Variants in MYBPC1 observed in about 807,000 individuals in gnomAD.
The protein encoded by MYBPC1 is myosin binding protein C1, also known as myosin-binding protein C, slow-type.
Under a neutral mutation model 147.1 loss-of-function variants are expected in MYBPC1, and 52 were observed. The observed-to-expected ratio is 0.35, with a 90% CI of 0.28 to 0.45. The LOEUF (loss-of-function observed/expected upper bound fraction) is 0.45, where lower values mean the gene tolerates loss of function less well. Among genes scored for constraint, MYBPC1 ranks in the 20% least tolerant of loss-of-function variants. The probability of loss-of-function intolerance (pLI) is 1.00; values close to 1 mark genes in which losing one functional copy is unlikely to be tolerated. For missense variants in MYBPC1, 1,228 were observed against 1,440.3 expected, an observed-to-expected ratio of 0.85 and a Z score of 2.39; for synonymous variants, 477 against 475.9, an observed-to-expected ratio of 1.00 and a Z score of -0.03.
intron 1 of MYBPC1, among the ~76,000 whole-genome samples, chr12:101,605,210 TTGCCCTTTTG>T (rs1016244241): frequency 6.6e-6 from 1 of 152,232 alleles, no homozygotes; most frequent in Non-Finnish European, 1.5e-5. Context: ...CTAGACACTA[TTGCCCTTTTG>T]TCTCTATTAT....
intron 1 of MYBPC1, among the ~76,000 whole-genome samples, chr12:101,608,761 G>A (rs1040665885): frequency 1.3e-5 from 2 of 152,186 alleles, no homozygotes; most frequent in South Asian, 2.1e-4. Context: ...ATATTCCTGA[G>A]AGTCAAAACT....
At chr12:101,626,088 C>CAAAAAAAAAAAAAAAA (rs769008600) in intron 3 of MYBPC1, among the ~76,000 whole-genome samples, 1 of 55,074 alleles carries the variant, frequency 1.8e-5, no homozygotes, top group Non-Finnish European at 3.5e-5. Flanking sequence ...AACTCTGTCT[C>CAAAAAAAAAAAAAAAA]AAAAAAAAAA....
intron 1 of MYBPC1, 113 bp downstream of exon 1, chr12:101,595,208 A>G (rs1267635314): frequency 3.0e-6 from 3 of 994,356 alleles, no homozygotes; most frequent in African/African-American, 3.2e-5. Flanking sequence ...TAAAATCACT[A>G]TGATTTAAGG....
intron 3 of MYBPC1, among the ~76,000 whole-genome samples, chr12:101,620,173 G>C (rs1477865931): frequency 2.0e-5 from 3 of 152,192 alleles, no homozygotes; most frequent in African/African-American, 7.2e-5. Context: ...ATAAAGAAAT[G>C]TGTTTAGCCC....
intron 11 of MYBPC1, among the ~76,000 whole-genome samples, chr12:101,644,123 G>A (rs1441942579): frequency 6.6e-6 from 1 of 152,096 alleles, no homozygotes; most frequent in African/African-American, 2.4e-5. Context: ...TGCAACCTCT[G>A]CCTCCCAGGT....
chr12:101,611,123 G>A (rs1053147138), intron 1 of MYBPC1, among the ~76,000 whole-genome samples: 1 of 152,136 alleles, frequency 6.6e-6, no homozygotes, highest in African/African-American at 2.4e-5. Flanking sequence ...AAAAGTTCTG[G>A]ATCTGCCTAT....
the MYBPC1 span, among the ~76,000 whole-genome samples, chr12:101,694,885 T>C: frequency 6.6e-6 from 1 of 152,218 alleles, no homozygotes; most frequent in South Asian, 2.1e-4. Context: ...AAAATACCAG[T>C]TTATTTACCC....
chr12:101,614,349 G>T (rs1885289239), intron 1 of MYBPC1, 147 bp from the exon 2 acceptor site: 3 of 778,606 alleles, frequency 3.9e-6, no homozygotes, highest in Non-Finnish European at 2.2e-6. Flanking sequence ...AGAGAGAGAA[G>T]AGAGAATGTG....
At chr12:101,693,737 C>CTAAATAAATAAATAAATAAA in the MYBPC1 span, among the ~76,000 whole-genome samples, 4 of 101,820 alleles carry the variant, frequency 3.9e-5, no homozygotes, top group African/African-American at 1.2e-4. Context: ...GAATCTGTCT[C>CTAAATAAATAAATAAATAAA]TAAATAAATA....
At chr12:101,611,753 T>G (rs1458121776) in intron 1 of MYBPC1, among the ~76,000 whole-genome samples, 2 of 152,210 alleles carry the variant, frequency 1.3e-5, no homozygotes, top group East Asian at 3.9e-4. Flanking sequence ...TAGTCCAGAA[T>G]GCAAAAGAAT....
rs1021145339 is a variant in MYBPC1 at position 101,631,678 on chromosome 12, A to C, written c.397A>C (p.Lys133Gln). Reference sequence around the variant, plus strand: ...GATGGACCTGGCCAGCAAAGCCGGGAAGCACCTTCAGCTGAAGGAAACCTT... The same window carrying C: ...GATGGACCTGGCCAGCAAAGCCGGGCAGCACCTTCAGCTGAAGGAAACCTT... Reference protein sequence around the residue: ...KWMDLASKAGKHLQLKETFER... With the variant: ...KWMDLASKAGQHLQLKETFER... The change falls in exon 7 of 32, where the codon AAG becomes CAG. Residue 133 changes from lysine (K) to glutamine (Q), a missense_variant. Physicochemically the swap from Lys to Gln is moderately conservative, Grantham distance 53 (BLOSUM62 1). Coordinates refer to ENST00000361466, the MANE Select transcript of MYBPC1 (RefSeq NM_002465.4). 3.1e-6 allele frequency: 5 copies of C among 1,614,102 alleles called. No individual in the cohort carries two copies. Among genetic ancestry groups the C allele is most frequent in the Non-Finnish European group, 4.2e-6 (5 of 1,180,054 alleles).
intron 29 of MYBPC1, 108 bp from the exon 30 acceptor site, chr12:101,682,496 G>A (rs953938742): frequency 9.9e-7 from 1 of 1,009,008 alleles, no homozygotes; most frequent in Admixed American, 2.0e-5. Context: ...TTTATCATCA[G>A]ACTGTTACTC....
At chr12:101,629,313 T>C (rs1021400988) in intron 5 of MYBPC1, 121 bp from the exon 6 acceptor site, 5 of 731,316 alleles carry the variant, frequency 6.8e-6, no homozygotes, top group Admixed American at 4.0e-5. Context: ...TGATGTTGTA[T>C]TTATCTAGGT....
intron 20 of MYBPC1, among the ~76,000 whole-genome samples, chr12:101,661,855 C>G (rs1426068223): frequency 1.4e-5 from 2 of 147,398 alleles, no homozygotes; most frequent in Non-Finnish European, 3.0e-5. Context: ...CAAGATCACA[C>G]CACTGCACTC....
chr12:101,679,466 G>A lies in MYBPC1; in HGVS notation c.3247-877G>A, dbSNP rs79051950. 3.0e-3 allele frequency among the ~76,000 whole-genome samples: 452 copies of A among 152,318 alleles called. 1 individual carries two copies. Among genetic ancestry groups the A allele is most frequent in the African/African-American group, 8.5e-3 (352 of 41,556 alleles). ...GGAGACAGAAAAGGTGCCATCTCTAGGTTCTGAGCAAGACAAAATAATAGA... is the reference window on the plus strand; with the variant it reads ...GGAGACAGAAAAGGTGCCATCTCTAAGTTCTGAGCAAGACAAAATAATAGA... On this transcript the variant is annotated intron_variant, in intron 28 of 31. Coordinates refer to ENST00000361466, the MANE Select transcript of MYBPC1 (RefSeq NM_002465.4).
rs763369349 is a variant in MYBPC1, at chr12:101,631,658, A to C, written c.377A>C (p.Asp126Ala). The change falls in exon 7 of 32, where the codon GAC becomes GCC. Residue 126 changes from aspartate to alanine, a missense_variant. Around this residue, in one of 2 missense-constraint regions of MYBPC1, gnomAD observed 1,077 missense variants for 1,314.2 expected, o/e 0.82. Transcript: ENST00000361466. ...TIKWFKGKWM[D>A]LASKAGKHLQ... ...AAATGGTTCAAAGGAAAATGGATGG[A>C]CCTGGCCAGCAAAGCCGGGAAGCAC... The C allele has an allele frequency of 1.9e-6, 3 of 1,614,224 alleles. No homozygotes were observed. The highest frequency in any genetic ancestry group is 1.7e-6 in the Non-Finnish European group (2 of 1,180,036).
rs539734506 is a variant in MYBPC1, at chr12:101,647,343, A to G, written c.1090+456A>G. Among the ~76,000 whole-genome samples, 17 of 152,322 alleles carry G rather than the reference A, an allele frequency of 1.1e-4. No homozygotes were observed. In the South Asian group the frequency reaches 3.5e-3, roughly 32 times the overall value. On this transcript the variant is annotated intron_variant, in intron 13 of 31. Transcript: ENST00000361466. ...TTTATGAGGGCTTCTGATGACAGAC[A>G]ACCCTGAGATCTCTGTCATCCATCT...
chr12:101,675,215 T>TA lies in MYBPC1; in HGVS notation c.2810-73dup, dbSNP rs373242680. 9.1e-5 allele frequency: 144 copies of TA among 1,579,174 alleles called. No homozygotes were observed. In the African/African-American group the frequency reaches 1.8e-3, roughly 20 times the overall value. Reference sequence around the variant, plus strand: ...TCCTGTAACAGAGGAAAGGGTCTTTTAAAATATCCTCATGAAACAAAATGT... The same window carrying TA: ...TCCTGTAACAGAGGAAAGGGTCTTTTAAAAATATCCTCATGAAACAAAATGT... On this transcript the variant is annotated intron_variant, in intron 25 of 31. Transcript: ENST00000361466.
rs1178831407 is a variant in MYBPC1, at chr12:101,678,186, C to G, written c.3194C>G (p.Ala1065Gly). The change falls in exon 28 of 32, where the codon GCC becomes GGC. Residue 1065 changes from alanine (A) to glycine (G), a missense_variant. Physicochemically the swap from Ala to Gly is moderately conservative, Grantham distance 60. Transcript: ENST00000361466. ...ACTCAGCCTTTGGTTAACACCTATG[C>G]CATAGCTGGTTACAATGCCACCCTA... is the stretch of plus-strand genomic sequence containing the variant. Reference protein sequence around the residue: ...MFTQPLVNTYAIAGYNATLNC... With the variant: ...MFTQPLVNTYGIAGYNATLNC... 3 of 1,614,082 alleles carry G rather than the reference C, an allele frequency of 1.9e-6. No homozygotes were observed. The South Asian group carries it at 3.3e-5, about 18-fold the overall frequency.
Sources: allele counts gnomAD v4.1 joint callset (sites outside exome capture counted in the v4.1 genomes callset), GRCh38; gene constraint gnomAD v4.1.1; regional missense constraint gnomAD v4.1.1; transcripts MANE v1.5; gene names NCBI Gene and HGNC (gene_info 2026-07-23, HGNC 2026-07-21).